The following LMBR1 variants were observed in gnomAD, a reference collection of about 807,000 sequenced individuals.
LMBR1 encodes limb region 1 protein homolog.
LMBR1 carries 52 observed loss-of-function variants against 73.9 expected under a neutral mutation model. The ratio of observed to expected loss-of-function variants is 0.70; its 90% CI spans 0.56 to 0.89. LMBR1 has a LOEUF of 0.89. Ranked by LOEUF, LMBR1 falls within the 40% of genes least tolerant of loss-of-function variation. The pLI is 0.00. For missense variants in LMBR1, 539 were observed against 579.8 expected, an observed-to-expected ratio of 0.93 and a Z score of 0.72; for synonymous variants, 215 against 209.4, an observed-to-expected ratio of 1.03 and a Z score of -0.23.
intron 15 of LMBR1, among the ~76,000 whole-genome samples, chr7:156,702,803 A>T (rs1026449438): frequency 7.2e-5 from 11 of 152,380 alleles, no homozygotes; most frequent in East Asian, 1.9e-4. Flanking sequence ...AAAAACTTGC[A>T]CATGAATATC....
chr7:156,698,306 G>T (rs1019297520), intron 15 of LMBR1, among the ~76,000 whole-genome samples: 1 of 152,198 alleles, frequency 6.6e-6, no homozygotes, highest in African/African-American at 2.4e-5. Context: ...GCTGTCAGTG[G>T]ATCTACCATT....
chr7:156,778,198 AAGTC>A (rs1341862403), intron 5 of LMBR1, among the ~76,000 whole-genome samples: 1 of 152,220 alleles, frequency 6.6e-6, no homozygotes. Flanking sequence ...TTTCTTTTGA[AAGTC>A]AGTAAATAAC....
At chr7:156,835,002 C>T (rs986806009) in intron 2 of LMBR1, among the ~76,000 whole-genome samples, 3 of 151,340 alleles carry the variant, frequency 2.0e-5, no homozygotes, top group African/African-American at 2.4e-5. Flanking sequence ...TAGCCAGGTG[C>T]GGTGGCGGGC....
rs117334227 is a variant in LMBR1, at chr7:156,861,262, A to C, written c.67-24377T>G. On this transcript the variant is annotated intron_variant, in intron 1 of 16. Transcript: ENST00000353442. ...CACCCGCAGGCTAAACACCATGTTG[A>C]AGCTGCCAAGGCTTGGGGCTTGAAC... 1.9e-3 allele frequency among the ~76,000 whole-genome samples: 287 copies of C among 152,350 alleles called. 4 individuals carry two copies. The East Asian group carries it at 0.043, about 23-fold the overall frequency.
In LMBR1 at chr7:156,728,711, T is replaced by C. The variant is rs1446102696; in HGVS notation, c.848A>G (p.Lys283Arg). The C allele has an allele frequency of 1.2e-6, 2 of 1,600,108 alleles. No homozygotes were observed. The highest frequency in any genetic ancestry group is 2.2e-5 in the East Asian group (1 of 44,450). ...ATTTCTTTCCCATGCTGAAGCCTTT[T>C]TTCGCCTCTCTATTAAAAGGAAAAA... ...KTLKTKLERR[K>R]KASAWERNLV... The change falls in exon 11 of 17, where the codon AAA (lysine) becomes AGA (arginine). Residue 283 changes from lysine (K) to arginine (R), a missense_variant. Lys to Arg is a conservative substitution (Grantham distance 26, BLOSUM62 2). Coordinates refer to ENST00000353442, the MANE Select transcript of LMBR1 (RefSeq NM_022458.4).
chr7:156,718,553 G>A (rs1238763425), intron 15 of LMBR1, among the ~76,000 whole-genome samples: 5 of 151,972 alleles, frequency 3.3e-5, no homozygotes, highest in Non-Finnish European at 5.9e-5. Context: ...GCAAAACCCC[G>A]TCTCTACAAA....
chr7:156,742,684 T>G (rs978873986), intron 9 of LMBR1, among the ~76,000 whole-genome samples: 3 of 151,988 alleles, frequency 2.0e-5, no homozygotes, highest in South Asian at 2.1e-4. Context: ...ACCAAACATT[T>G]AAAAAAGAAC....
At position 156,728,716 on chromosome 7, in the gene LMBR1, CCTCT is replaced by C. The variant is rs752653908; in HGVS notation, c.839_842del (p.Glu280GlyfsTer55). 29 of 1,596,212 alleles carry C rather than the reference CCTCT, an allele frequency of 1.8e-5. No individual in the cohort carries two copies. The highest frequency in any genetic ancestry group is 2.3e-5 in the East Asian group (1 of 44,330). On this transcript the variant is annotated frameshift_variant and splice_region_variant, in exon 11 of 17. Transcript: ENST00000353442. LOFTEE classifies it high-confidence loss of function. ...TTTCCCATGCTGAAGCCTTTTTTCG[CCTCT>C]CTATTAAAAGGAAAAACAAAATAAA...
chr7:156,778,866 A>T (rs905263993), intron 5 of LMBR1, among the ~76,000 whole-genome samples: 5 of 152,180 alleles, frequency 3.3e-5, no homozygotes, highest in Non-Finnish European at 7.4e-5. Context: ...ATAAGCAAAA[A>T]ATATGCCGAC....
intron 4 of LMBR1, among the ~76,000 whole-genome samples, chr7:156,821,155 C>T (rs1182698432): frequency 1.3e-5 from 2 of 152,216 alleles, no homozygotes; most frequent in Non-Finnish European, 1.5e-5. Flanking sequence ...TGCACAGCAG[C>T]ATTCCATCAT....
At chr7:156,867,302 A>G (rs1030080675) in intron 1 of LMBR1, among the ~76,000 whole-genome samples, 7 of 152,240 alleles carry the variant, frequency 4.6e-5, no homozygotes, top group African/African-American at 1.7e-4. Flanking sequence ...AGAATTCTCA[A>G]ACATTGGTGG....
intron 15 of LMBR1, among the ~76,000 whole-genome samples, chr7:156,722,999 G>A (rs930811327): frequency 2.0e-5 from 3 of 151,992 alleles, no homozygotes; most frequent in Non-Finnish European, 4.4e-5. Context: ...ATCAAATCAG[G>A]TTGCTAAAGA....
chr7:156,777,076 C>T (rs1049090100), intron 5 of LMBR1, among the ~76,000 whole-genome samples: 8 of 151,984 alleles, frequency 5.3e-5, no homozygotes, highest in East Asian at 1.9e-4. Context: ...GGACTACAGG[C>T]GCCAGCCACC....
intron 6 of LMBR1, 72 bp from the exon 7 acceptor site, chr7:156,763,248 G>A (rs907341593): frequency 1.7e-5 from 11 of 645,166 alleles, no homozygotes; most frequent in Non-Finnish European, 2.6e-5. Context: ...TCTATCTTAC[G>A]ATAAGATAGA....
chr7:156,674,034 C>T (rs183111258), downstream of LMBR1, among the ~76,000 whole-genome samples: 7 of 152,288 alleles, frequency 4.6e-5, no homozygotes, highest in South Asian at 2.1e-4. Context: ...GAGATCTCCA[C>T]GGGACTTGTT....
chr7:156,864,939 T>A (rs926028710), intron 1 of LMBR1, among the ~76,000 whole-genome samples: 1 of 146,610 alleles, frequency 6.8e-6, no homozygotes, highest in Non-Finnish European at 1.5e-5. Flanking sequence ...GAGGTTGCAG[T>A]GAGCCGAGGT....
chr7:156,851,302 T>G (rs930134970), intron 1 of LMBR1, among the ~76,000 whole-genome samples: 8 of 152,198 alleles, frequency 5.3e-5, no homozygotes, highest in Admixed American at 5.2e-4. Context: ...ATACCTACTC[T>G]TCTCATAGTT....
chr7:156,807,819 TTTCA>T (rs1832412048), intron 4 of LMBR1, among the ~76,000 whole-genome samples: 1 of 152,194 alleles, frequency 6.6e-6, no homozygotes, highest in African/African-American at 2.4e-5. Flanking sequence ...TTTATTTTCA[TTTCA>T]TTCAGTTCAA....
At chr7:156,702,922 C>T (rs1192868326) in intron 15 of LMBR1, among the ~76,000 whole-genome samples, 1 of 152,156 alleles carries the variant, frequency 6.6e-6, no homozygotes, top group Admixed American at 6.5e-5. Flanking sequence ...AAGGAAAAGT[C>T]GAATTCTGAA....
Sources: allele counts gnomAD v4.1 joint callset (sites outside exome capture counted in the v4.1 genomes callset), GRCh38; gene constraint gnomAD v4.1.1; transcripts MANE v1.5; gene names NCBI Gene and HGNC (gene_info 2026-07-23, HGNC 2026-07-21).